The following ARHGAP31 variants were observed in gnomAD, a reference collection of about 807,000 sequenced individuals.
ARHGAP31 encodes the protein rho GTPase-activating protein 31.
In ARHGAP31, 34 loss-of-function variants were observed where a neutral mutation model predicts 113.9. That is an observed-to-expected ratio of 0.30 (90% CI 0.23 to 0.40). ARHGAP31 has a LOEUF of 0.40. Ranked by LOEUF, ARHGAP31 falls within the 10% of genes least tolerant of loss-of-function variation. The pLI, the probability that ARHGAP31 is intolerant of heterozygous loss-of-function variation, is 1.00. For missense variants in ARHGAP31, 1,548 were observed against 1,767.1 expected, an observed-to-expected ratio of 0.88 and a Z score of 2.22; for synonymous variants, 650 against 684.8, an observed-to-expected ratio of 0.95 and a Z score of 0.79.
At chr3:119,296,633 A>G (rs919037761) in intron 1 of ARHGAP31, among the ~76,000 whole-genome samples, 2 of 152,184 alleles carry the variant, frequency 1.3e-5, no homozygotes, top group African/African-American at 4.8e-5. Flanking sequence ...CTTACAAACT[A>G]ATAGATTATA....
chr3:119,361,975 G>A (rs1398387262), intron 1 of ARHGAP31, among the ~76,000 whole-genome samples: 3 of 152,172 alleles, frequency 2.0e-5, no homozygotes, highest in African/African-American at 7.2e-5. Context: ...TGGACAATAG[G>A]TTCTAAGGCC....
intron 1 of ARHGAP31, among the ~76,000 whole-genome samples, chr3:119,342,693 T>C (rs2080019903): frequency 6.6e-6 from 1 of 152,228 alleles, no homozygotes; most frequent in Non-Finnish European, 1.5e-5. Context: ...CTCATGCCTG[T>C]ATTCCCAGCG....
At chr3:119,310,551 T>C (rs2079670390) in intron 1 of ARHGAP31, among the ~76,000 whole-genome samples, 1 of 152,228 alleles carries the variant, frequency 6.6e-6, no homozygotes, top group South Asian at 2.1e-4. Context: ...CAGCAGCATT[T>C]CTAATAGGAG....
intron 3 of ARHGAP31, among the ~76,000 whole-genome samples, chr3:119,377,046 T>C (rs2080354918): frequency 6.6e-6 from 1 of 152,246 alleles, no homozygotes; most frequent in Non-Finnish European, 1.5e-5. Context: ...GATAGCAGTG[T>C]TCTGGAAGTG....
At chr3:119,401,332 C>T (rs2080604616) in intron 9 of ARHGAP31, among the ~76,000 whole-genome samples, 1 of 152,132 alleles carries the variant, frequency 6.6e-6, no homozygotes. Flanking sequence ...GGAAATCAAA[C>T]CCCCCTGTCT....
chr3:119,294,456 G>A lies in ARHGAP31; in HGVS notation c.-449G>A. 1 of 406,546 alleles carries A rather than the reference G, an allele frequency of 2.5e-6. No individual in the cohort carries two copies. The highest frequency in any genetic ancestry group is 4.3e-6 in the Non-Finnish European group (1 of 232,128). 25.2% of individuals were successfully genotyped at this position (406,546 alleles called of 1,614,324 possible). On this transcript the variant is annotated 5_prime_UTR_variant, in exon 1 of 12. Coordinates refer to ENST00000264245, the MANE Select transcript of ARHGAP31 (RefSeq NM_020754.4). ...ACCAAAGTCGTCTGAAGGCGAGACA[G>A]CGGGCCCAGGGCGCAGGACCCACCG... is the stretch of plus-strand genomic sequence containing the variant.
chr3:119,324,784 C>T, intron 1 of ARHGAP31: 1 of 378,930 alleles, frequency 2.6e-6, no homozygotes, highest in Non-Finnish European at 5.3e-6. Flanking sequence ...ACAGTTGTAT[C>T]TATTCTAACT....
At chr3:119,315,339 A>G (rs1172763273) in intron 1 of ARHGAP31, among the ~76,000 whole-genome samples, 1 of 152,190 alleles carries the variant, frequency 6.6e-6, no homozygotes, top group Non-Finnish European at 1.5e-5. Context: ...ATTATCTGCA[A>G]CTTGCTCTTC....
chr3:119,381,985 C>CA (rs10719267), intron 4 of ARHGAP31, among the ~76,000 whole-genome samples: 1,655 of 60,640 alleles, frequency 0.027, 22 homozygotes, highest in Non-Finnish European at 0.036. Context: ...GACTCCGTCT[C>CA]AAAAAAAAAA....
chr3:119,331,468 C>A (rs896035651), intron 1 of ARHGAP31, among the ~76,000 whole-genome samples: 5 of 151,948 alleles, frequency 3.3e-5, no homozygotes, highest in Non-Finnish European at 5.9e-5. Context: ...TTAGACAAAA[C>A]AGTAAAAAAT....
intron 1 of ARHGAP31, among the ~76,000 whole-genome samples, chr3:119,342,659 A>G (rs1262877341): frequency 6.6e-6 from 1 of 152,244 alleles, no homozygotes; most frequent in Admixed American, 6.5e-5. Context: ...TCATTTAAAG[A>G]CAAATACAGG....
chr3:119,381,811 C>G (rs1426389903), intron 4 of ARHGAP31, among the ~76,000 whole-genome samples: 1 of 152,030 alleles, frequency 6.6e-6, no homozygotes, highest in African/African-American at 2.4e-5. Context: ...ACGGTGAAAC[C>G]CCGTCTCTAC....
intron 6 of ARHGAP31, 145 bp from the exon 7 acceptor site, chr3:119,390,640 C>G: frequency 1.1e-6 from 1 of 892,062 alleles, no homozygotes; most frequent in East Asian, 2.6e-5. Flanking sequence ...AGCCTCAGCC[C>G]CAGGCCCCAC....
chr3:119,358,166 C>T (rs1382139519), intron 1 of ARHGAP31, among the ~76,000 whole-genome samples: 1 of 152,258 alleles, frequency 6.6e-6, no homozygotes, highest in Non-Finnish European at 1.5e-5. Flanking sequence ...AATCATAACC[C>T]AGCAAAGACC....
At chr3:119,372,701 T>C (rs938426192) in intron 3 of ARHGAP31, among the ~76,000 whole-genome samples, 1 of 152,182 alleles carries the variant, frequency 6.6e-6, no homozygotes, top group African/African-American at 2.4e-5. Flanking sequence ...AATAATTGAG[T>C]GCTTACTATA....
At chr3:119,330,917 C>T (rs1054912425) in intron 1 of ARHGAP31, among the ~76,000 whole-genome samples, 1 of 152,186 alleles carries the variant, frequency 6.6e-6, no homozygotes, top group East Asian at 1.9e-4. Flanking sequence ...AAAATAATCT[C>T]GGCTGTCAAA....
At position 119,414,602 on chromosome 3, in the gene ARHGAP31, T is replaced by A. The variant is rs2080754825; in HGVS notation, c.2673T>A (p.Asp891Glu). The A allele has an allele frequency of 6.2e-7, 1 of 1,614,064 alleles. No homozygotes were observed. The highest frequency in any genetic ancestry group is 8.5e-7 in the Non-Finnish European group (1 of 1,180,028). Residue 891 changes from aspartate (D) to glutamate (E), a missense_variant, in exon 12 of 12, where the codon GAT (aspartate) becomes GAA (glutamate). Physicochemically the swap from Asp to Glu is conservative, Grantham distance 45 (BLOSUM62 2). Coordinates refer to ENST00000264245, the MANE Select transcript of ARHGAP31 (RefSeq NM_020754.4). ...SVQEPSDCDE[D>E]DTVTDIAQHG... ...AGGAGCCTTCAGACTGTGACGAAGA[T>A]GACACTGTGACAGACATTGCCCAGC...
rs1373823906 is a variant in ARHGAP31, at chr3:119,415,073, A to C, written c.3144A>C (p.Thr1048=). ...ISLAEGKELG[T]HLGHSSPQIR... ...TAGCAGAGGGAAAGGAGCTAGGGAC[A>C]CACCTGGGGCACAGCAGTCCACAGA... Residue 1048 remains threonine (T), a synonymous_variant, in exon 12 of 12, where the codon ACA becomes ACC. Transcript: ENST00000264245. 6.2e-7 allele frequency: 1 copy of C among 1,614,114 alleles called. No individual in the cohort carries two copies. Among genetic ancestry groups the C allele is most frequent in the East Asian group, 2.2e-5 (1 of 44,896 alleles).
At chr3:119,364,778 AT>A (rs1278692116) in intron 1 of ARHGAP31, among the ~76,000 whole-genome samples, 2 of 152,094 alleles carry the variant, frequency 1.3e-5, no homozygotes, top group Non-Finnish European at 2.9e-5. Context: ...GTTTTTGAAT[AT>A]TTTTTTAAAT....
Sources: allele counts gnomAD v4.1 joint callset (sites outside exome capture counted in the v4.1 genomes callset), GRCh38; gene constraint gnomAD v4.1.1; transcripts MANE v1.5; gene names NCBI Gene and HGNC (gene_info 2026-07-23, HGNC 2026-07-21).